SEMA3D: variants seen among roughly 807,000 people sequenced by gnomAD.
SEMA3D encodes the protein semaphorin 3D.
SEMA3D carries 84 observed loss-of-function variants against 100.1 expected under a neutral mutation model. That is an observed-to-expected ratio of 0.84 (90% CI 0.70 to 1.01). The LOEUF (loss-of-function observed/expected upper bound fraction) is 1.01, where lower values mean the gene tolerates loss of function less well. Ranked by LOEUF, SEMA3D falls within the 50% of genes least tolerant of loss-of-function variation. The pLI is 0.00. For synonymous variants in SEMA3D, 312 were observed against 320.7 expected (o/e 0.97, Z 0.29); for missense variants, 875 against 934.1 (o/e 0.94, Z 0.82).
intron 11 of SEMA3D, among the ~76,000 whole-genome samples, 199 bp downstream of exon 11, chr7:85,040,474 T>C (rs529519059): frequency 6.6e-6 from 1 of 151,536 alleles, no homozygotes; most frequent in South Asian, 2.1e-4. Context: ...GCTAATGCTA[T>C]ACTGGCTTAA....
At chr7:85,203,812 AC>A in the SEMA3D span, among the ~76,000 whole-genome samples, 839 of 151,740 alleles carry the variant, frequency 5.5e-3, 12 homozygotes, top group African/African-American at 0.019. Context: ...CAGGGGGAAA[AC>A]AAAAACAAAA....
chr7:85,036,824 A>G, intron 12 of SEMA3D, 65 bp downstream of exon 12: 1 of 1,320,446 alleles, frequency 7.6e-7, no homozygotes, highest in Non-Finnish European at 1.0e-6. Context: ...AGAATTTATT[A>G]CAATTAAATT....
At chr7:85,231,773 C>T in the SEMA3D span, among the ~76,000 whole-genome samples, 1 of 152,196 alleles carries the variant, frequency 6.6e-6, no homozygotes, top group East Asian at 1.9e-4. Flanking sequence ...ACAGTAAGAA[C>T]ATGTGTTAAG....
At chr7:85,055,920 G>A (rs1791305732) in intron 8 of SEMA3D, 61 bp from the exon 9 acceptor site, 5 of 931,888 alleles carry the variant, frequency 5.4e-6, no homozygotes, top group Non-Finnish European at 6.3e-6. Flanking sequence ...ATCATAGTTT[G>A]ATGATATTTC....
intron 12 of SEMA3D, chr7:85,028,081 T>C (rs895711615): frequency 9.7e-6 from 6 of 616,370 alleles, no homozygotes; most frequent in East Asian, 3.3e-5. Context: ...ATTGTCCAGT[T>C]TGATATGACA....
chr7:85,139,873 T>G (rs1362349864), intron 2 of SEMA3D: 1 of 150,472 alleles, frequency 6.6e-6, no homozygotes, highest in African/African-American at 2.5e-5. Context: ...TGATAAATAC[T>G]GTTATTTACA....
intron 4 of SEMA3D, among the ~76,000 whole-genome samples, chr7:85,082,282 A>G (rs537243737): frequency 2.6e-4 from 39 of 152,198 alleles, no homozygotes; most frequent in Non-Finnish European, 3.5e-4. Flanking sequence ...CTCAACCATT[A>G]CATAAGTCAA....
chr7:85,129,331 C>A (rs1469743060), intron 2 of SEMA3D, among the ~76,000 whole-genome samples: 1 of 151,906 alleles, frequency 6.6e-6, no homozygotes, highest in East Asian at 1.9e-4. Context: ...AACAGAATTT[C>A]TTTTTATTTA....
intron 5 of SEMA3D, among the ~76,000 whole-genome samples, chr7:85,074,637 AT>A (rs1341582946): frequency 0.034 from 4,417 of 131,378 alleles, 208 homozygotes; most frequent in African/African-American, 0.11. Flanking sequence ...ATATATATAT[AT>A]TTTTTTTTTT....
At chr7:85,061,844 T>C (rs1489352154) in intron 8 of SEMA3D, among the ~76,000 whole-genome samples, 4 of 152,182 alleles carry the variant, frequency 2.6e-5, no homozygotes, top group East Asian at 1.9e-4. Flanking sequence ...TCAGCAAATA[T>C]CTGAATGGCT....
At chr7:85,061,148 A>T (rs536542728) in intron 8 of SEMA3D, among the ~76,000 whole-genome samples, 1 of 152,166 alleles carries the variant, frequency 6.6e-6, no homozygotes, top group Non-Finnish European at 1.5e-5. Context: ...TGTAAAAAAA[A>T]CACTTTTTAC....
chr7:85,237,544 T>A, the SEMA3D span, among the ~76,000 whole-genome samples: 1 of 152,206 alleles, frequency 6.6e-6, no homozygotes, highest in Non-Finnish European at 1.5e-5. Flanking sequence ...GTATGTAGAC[T>A]TTTAAGATGG....
chr7:85,203,803 AG>A, the SEMA3D span, among the ~76,000 whole-genome samples: 2 of 151,922 alleles, frequency 1.3e-5, no homozygotes, highest in Admixed American at 1.3e-4. Context: ...AGAGAAATAC[AG>A]GGGGAAAACA....
chr7:85,068,368 A>G (rs1425522457), intron 6 of SEMA3D, 84 bp from the exon 7 acceptor site: 1 of 752,234 alleles, frequency 1.3e-6, no homozygotes, highest in Non-Finnish European at 2.3e-6. Flanking sequence ...CTAAATTCCA[A>G]CTCATGAATT....
At chr7:85,052,856 A>G (rs1562798235) in intron 9 of SEMA3D, among the ~76,000 whole-genome samples, 1 of 152,012 alleles carries the variant, frequency 6.6e-6, no homozygotes, top group Non-Finnish European at 1.5e-5. Flanking sequence ...AAGAGTTATA[A>G]AAGTGAAAAG....
chr7:85,094,341 C>A (rs2116298170), intron 4 of SEMA3D, among the ~76,000 whole-genome samples: 1 of 152,102 alleles, frequency 6.6e-6, no homozygotes, highest in African/African-American at 2.4e-5. Context: ...GTGACGATAA[C>A]TCTTACCGTT....
intron 14 of SEMA3D, 78 bp downstream of exon 14, chr7:85,020,155 A>G (rs1790214458): frequency 5.5e-6 from 5 of 911,066 alleles, no homozygotes; most frequent in South Asian, 2.8e-5. Flanking sequence ...CTGATGATGT[A>G]TTAAAACAAG....
At chr7:85,143,024 T>A in intron 2 of SEMA3D, 1 of 953,530 alleles carries the variant, frequency 1.0e-6, no homozygotes, top group Non-Finnish European at 1.2e-6. Flanking sequence ...AAATATGGCT[T>A]TCATATGTTT....
intron 11 of SEMA3D, among the ~76,000 whole-genome samples, chr7:85,038,809 A>G (rs887665638): frequency 6.6e-6 from 1 of 152,150 alleles, no homozygotes. Flanking sequence ...TTCCTAGGAT[A>G]TCTTCTTTAT....
Sources: gnomAD v4.1 joint callset for allele counts (sites outside exome capture counted in the v4.1 genomes callset) on GRCh38, gnomAD v4.1.1 for gene constraint, MANE v1.5 for transcripts, NCBI Gene and HGNC (gene_info 2026-07-23, HGNC 2026-07-21) for gene names.